The following ST18 variants were observed in gnomAD, a reference collection of about 807,000 sequenced individuals.
ST18 encodes the protein ST18 C2H2C-type zinc finger transcription factor, also known as suppression of tumorigenicity 18 protein.
ST18 carries 50 observed loss-of-function variants against 110.0 expected under a neutral mutation model. The ratio of observed to expected loss-of-function variants is 0.45; its 90% CI spans 0.36 to 0.58. The LOEUF is 0.58. Among genes scored for constraint, ST18 ranks in the 20% least tolerant of loss-of-function variants. ST18 has a pLI of 0.00. For missense variants in ST18, 1,306 were observed against 1,280.1 expected (o/e 1.02, Z -0.31); for synonymous variants, 461 against 452.4 (o/e 1.02, Z -0.24).
intron 2 of ST18, among the ~76,000 whole-genome samples, chr8:52,310,682 T>C (rs1255900671): frequency 6.6e-6 from 1 of 152,162 alleles, no homozygotes; most frequent in Non-Finnish European, 1.5e-5. Flanking sequence ...TGCAATGTGG[T>C]TGCAGTCTAC....
chr8:52,374,856 C>T (rs1200355785), intron 2 of ST18, among the ~76,000 whole-genome samples: 2 of 152,206 alleles, frequency 1.3e-5, no homozygotes, highest in Admixed American at 6.5e-5. Flanking sequence ...CTGCAAAGGA[C>T]ATGATCTCAT....
At chr8:52,340,664 T>C (rs1428985641) in intron 2 of ST18, among the ~76,000 whole-genome samples, 1 of 152,148 alleles carries the variant, frequency 6.6e-6, no homozygotes, top group African/African-American at 2.4e-5. Flanking sequence ...TTGTTATCTG[T>C]CCCCTTGCCA....
chr8:52,258,902 G>T (rs910486600), intron 2 of ST18, among the ~76,000 whole-genome samples: 2 of 152,194 alleles, frequency 1.3e-5, no homozygotes, highest in African/African-American at 4.8e-5. Context: ...AAAGCTAACT[G>T]CTTTCTGGCA....
At chr8:52,362,969 T>C (rs1174084736) in intron 2 of ST18, among the ~76,000 whole-genome samples, 1 of 152,144 alleles carries the variant, frequency 6.6e-6, no homozygotes, top group Non-Finnish European at 1.5e-5. Flanking sequence ...CCCAGCACTT[T>C]GGGAGGCTGA....
intron 2 of ST18, among the ~76,000 whole-genome samples, chr8:52,242,371 G>A (rs1282087985): frequency 1.3e-5 from 2 of 152,206 alleles, no homozygotes; most frequent in African/African-American, 4.8e-5. Flanking sequence ...TGGGGGCTAT[G>A]GTGCCTGAGG....
intron 22 of ST18, among the ~76,000 whole-genome samples, chr8:52,130,164 A>AAAGG: frequency 8.1e-6 from 1 of 122,940 alleles, no homozygotes; most frequent in East Asian, 1.9e-4. Context: ...AGAAAGAAAG[A>AAAGG]AAAAGAAAAG....
intron 2 of ST18, among the ~76,000 whole-genome samples, chr8:52,389,508 TA>T (rs888599384): frequency 1.3e-5 from 2 of 152,164 alleles, no homozygotes; most frequent in African/African-American, 4.8e-5. Context: ...GGGTCCTCCC[TA>T]AAGGCTTAAG....
chr8:52,113,947 A>G (rs1302230845), intron 25 of ST18, among the ~76,000 whole-genome samples: 16 of 105,098 alleles, frequency 1.5e-4, no homozygotes. Flanking sequence ...AAATTTATTC[A>G]TACCGTGTTT....
chr8:52,258,300 CA>C (rs752733302), intron 2 of ST18, among the ~76,000 whole-genome samples: 4 of 152,050 alleles, frequency 2.6e-5, no homozygotes, highest in Non-Finnish European at 2.9e-5. Context: ...ATCAACTTGT[CA>C]GTTTCTGAAA....
chr8:52,367,699 C>A (rs1237116000), intron 2 of ST18, among the ~76,000 whole-genome samples: 2 of 152,146 alleles, frequency 1.3e-5, no homozygotes, highest in Non-Finnish European at 2.9e-5. Flanking sequence ...ATCTCTTGGA[C>A]CTTATTGCGA....
At chr8:52,197,456 G>A (rs1401565307) in intron 8 of ST18, among the ~76,000 whole-genome samples, 8 of 152,176 alleles carry the variant, frequency 5.3e-5, no homozygotes, top group Non-Finnish European at 7.4e-5. Flanking sequence ...AGGGTTTGGA[G>A]CTTCTTTGTT....
At chr8:52,168,129 G>A (rs1384590082) in intron 10 of ST18, among the ~76,000 whole-genome samples, 2 of 150,912 alleles carry the variant, frequency 1.3e-5, no homozygotes, top group African/African-American at 2.4e-5. Context: ...CCTGTCCCAC[G>A]GCACTTGGGG....
intron 2 of ST18, among the ~76,000 whole-genome samples, chr8:52,245,492 C>G (rs78889975): frequency 0.013 from 1,939 of 152,160 alleles, 31 homozygotes; most frequent in African/African-American, 0.045. Context: ...ATGTTTTCTT[C>G]ATGAAGGAAC....
intron 2 of ST18, among the ~76,000 whole-genome samples, chr8:52,382,692 C>T (rs918751955): frequency 1.3e-5 from 2 of 151,116 alleles, no homozygotes; most frequent in African/African-American, 4.9e-5. Context: ...GGAGTACAGT[C>T]ACTGTGAATC....
intron 2 of ST18, among the ~76,000 whole-genome samples, chr8:52,265,791 G>T (rs2094848478): frequency 1.3e-5 from 2 of 152,202 alleles, no homozygotes; most frequent in African/African-American, 4.8e-5. Flanking sequence ...CTGGACTTTA[G>T]TGGAAAGTCT....
At chr8:52,362,857 T>A (rs964438218) in intron 2 of ST18, among the ~76,000 whole-genome samples, 5 of 152,054 alleles carry the variant, frequency 3.3e-5, no homozygotes, top group African/African-American at 1.2e-4. Flanking sequence ...GACTTCAGCA[T>A]CAGGAATTCA....
At chr8:52,228,961 C>A (rs886112332) in intron 3 of ST18, among the ~76,000 whole-genome samples, 8 of 152,132 alleles carry the variant, frequency 5.3e-5, no homozygotes, top group African/African-American at 1.9e-4. Flanking sequence ...ACAGGTATTG[C>A]ATTTACAAAT....
chr8:52,230,492 G>C (rs2090976746), intron 2 of ST18, among the ~76,000 whole-genome samples: 1 of 151,738 alleles, frequency 6.6e-6, no homozygotes, highest in African/African-American at 2.4e-5. Flanking sequence ...CACGGCAGCT[G>C]TACTTTTCCC....
chr8:52,400,834 C>T (rs1348854666), intron 2 of ST18, among the ~76,000 whole-genome samples: 1 of 152,040 alleles, frequency 6.6e-6, no homozygotes, highest in East Asian at 1.9e-4. Flanking sequence ...AACCTTCATA[C>T]TAGAGAGTTG....
Sources: allele counts gnomAD v4.1 joint callset (sites outside exome capture counted in the v4.1 genomes callset), GRCh38; gene constraint gnomAD v4.1.1; transcripts MANE v1.5; gene names NCBI Gene and HGNC (gene_info 2026-07-23, HGNC 2026-07-21).